The following NRXN3 variants were observed in gnomAD, a reference collection of about 807,000 sequenced individuals.
The protein encoded by NRXN3 is neurexin 3.
NRXN3 carries 32 observed loss-of-function variants against 137.6 expected under a neutral mutation model. The observed-to-expected ratio is 0.23, with a 90% CI of 0.18 to 0.31. The LOEUF is 0.31. Among genes scored for constraint, NRXN3 ranks in the 10% least tolerant of loss-of-function variants. The pLI, the probability that NRXN3 is intolerant of heterozygous loss-of-function variation, is 1.00. For synonymous variants in NRXN3, 798 were observed against 784.5 expected, an observed-to-expected ratio of 1.02 and a Z score of -0.29; for missense variants, 1,574 against 2,062.5, an observed-to-expected ratio of 0.76 and a Z score of 4.59.
chr14:79,515,578 T>C (rs902044689), intron 16 of NRXN3, among the ~76,000 whole-genome samples: 1 of 141,882 alleles, frequency 7.0e-6, no homozygotes, highest in Admixed American at 6.8e-5. Context: ...GTTTCTTACA[T>C]GTGCATACCC....
intron 16 of NRXN3, among the ~76,000 whole-genome samples, chr14:79,654,378 G>A (rs570084886): frequency 2.5e-4 from 38 of 151,730 alleles, no homozygotes; most frequent in African/African-American, 8.9e-4. Flanking sequence ...GTTCCACAAC[G>A]AACAGGGGTC....
rs188640477 is a variant in NRXN3 at position 78,874,951 on chromosome 14, G to A, written c.2275+64607G>A. On this transcript the variant is annotated intron_variant, in intron 10 of 20. Transcript: ENST00000335750. ...TGAGAATCCATCAATTAAACTGTGGGACGGACTTTAGAGAGGACAGACTTG... is the reference window on the plus strand; with the variant it reads ...TGAGAATCCATCAATTAAACTGTGGAACGGACTTTAGAGAGGACAGACTTG... Among the ~76,000 whole-genome samples, 4 of 152,342 alleles carry A rather than the reference G, an allele frequency of 2.6e-5. No homozygotes were observed. The East Asian group carries it at 7.7e-4, about 29-fold the overall frequency.
intron 19 of NRXN3, among the ~76,000 whole-genome samples, chr14:79,732,579 AAT>A (rs1201476715): frequency 6.6e-6 from 1 of 152,220 alleles, no homozygotes; most frequent in African/African-American, 2.4e-5. Context: ...CATCTAAGGT[AAT>A]AGAACATGAA....
rs559456522 is a variant in NRXN3, at chr14:79,350,913, T to A, written c.3263-116308T>A. Among the ~76,000 whole-genome samples, 11 of 152,298 alleles carry A rather than the reference T, an allele frequency of 7.2e-5. No homozygotes were observed. In the Middle Eastern group the frequency reaches 0.017, roughly 235 times the overall value. ...TAAGACACCATATGCTACACAAAACTTTTTATAAATGTTGTGCTTATATCA... is the reference window on the plus strand; with the variant it reads ...TAAGACACCATATGCTACACAAAACATTTTATAAATGTTGTGCTTATATCA... On this transcript the variant is annotated intron_variant, in intron 15 of 20. Coordinates refer to ENST00000335750, the MANE Select transcript of NRXN3 (RefSeq NM_001330195.2).
intron 19 of NRXN3, among the ~76,000 whole-genome samples, chr14:79,709,075 A>G (rs2098792941): frequency 6.6e-6 from 1 of 152,096 alleles, no homozygotes; most frequent in African/African-American, 2.4e-5. Context: ...ATGTGTGTAT[A>G]CAGATCACCT....
chr14:78,729,326 T>C (rs1461881616), intron 8 of NRXN3, among the ~76,000 whole-genome samples: 1 of 152,134 alleles, frequency 6.6e-6, no homozygotes, highest in African/African-American at 2.4e-5. Context: ...CAGGAGGCCT[T>C]AGAGGTGGGA....
chr14:79,591,591 A>C (rs1602574923), intron 16 of NRXN3, among the ~76,000 whole-genome samples: 1 of 152,186 alleles, frequency 6.6e-6, no homozygotes, highest in African/African-American at 2.4e-5. Context: ...TGAGCATTGA[A>C]ACTAGCCTAT....
At chr14:78,881,938 T>A (rs1041541327) in intron 10 of NRXN3, among the ~76,000 whole-genome samples, 3 of 151,626 alleles carry the variant, frequency 2.0e-5, no homozygotes, top group African/African-American at 4.9e-5. Flanking sequence ...AAAAATGGTT[T>A]CCTGGGCCAG....
At chr14:79,357,276 G>A (rs985644938) in intron 15 of NRXN3, among the ~76,000 whole-genome samples, 2 of 151,908 alleles carry the variant, frequency 1.3e-5, no homozygotes, top group Admixed American at 1.3e-4. Flanking sequence ...TAAAAGTAGT[G>A]AATTAAAATA....
At chr14:79,773,373 C>A (rs1408310503) in intron 19 of NRXN3, among the ~76,000 whole-genome samples, 1 of 152,048 alleles carries the variant, frequency 6.6e-6, no homozygotes, top group Non-Finnish European at 1.5e-5. Flanking sequence ...GACTTGGAAC[C>A]AACCCAAATG....
intron 16 of NRXN3, among the ~76,000 whole-genome samples, chr14:79,533,951 T>C (rs1194779617): frequency 1.3e-5 from 2 of 152,202 alleles, no homozygotes; most frequent in Non-Finnish European, 2.9e-5. Context: ...GCAATTAAGA[T>C]CTAATGCACT....
chr14:79,386,387 C>A (rs1390060964), intron 15 of NRXN3, among the ~76,000 whole-genome samples: 1 of 152,120 alleles, frequency 6.6e-6, no homozygotes, highest in African/African-American at 2.4e-5. Context: ...AGGAATCCAA[C>A]TTACAAGGGA....
chr14:78,726,670 C>A (rs996973694), intron 8 of NRXN3, among the ~76,000 whole-genome samples: 2 of 151,848 alleles, frequency 1.3e-5, no homozygotes, highest in Non-Finnish European at 2.9e-5. Context: ...AGGCATGTAC[C>A]ATCACACCCG....
chr14:79,408,466 AG>A (rs2095355300), intron 15 of NRXN3, among the ~76,000 whole-genome samples: 1 of 152,108 alleles, frequency 6.6e-6, no homozygotes, highest in Non-Finnish European at 1.5e-5. Flanking sequence ...TAATATTCTC[AG>A]TGCTCTGTGA....
At chr14:79,372,053 A>G (rs8006756) in intron 15 of NRXN3, among the ~76,000 whole-genome samples, 75,303 of 151,926 alleles carry the variant, frequency 0.5, 18,929 homozygotes, top group Admixed American at 0.54. Context: ...GGCCATTTTA[A>G]CAGTGTATAC....
At chr14:79,712,454 G>T (rs2098807865) in intron 19 of NRXN3, among the ~76,000 whole-genome samples, 2 of 152,280 alleles carry the variant, frequency 1.3e-5, no homozygotes, top group South Asian at 4.1e-4. Flanking sequence ...GATCATACAT[G>T]AACTGACTTG....
At chr14:78,482,367 A>G (rs2153741511) in intron 4 of NRXN3, among the ~76,000 whole-genome samples, 1 of 152,296 alleles carries the variant, frequency 6.6e-6, no homozygotes, top group South Asian at 2.1e-4. Flanking sequence ...CTATATACCC[A>G]GGGCTATCCT....
intron 4 of NRXN3, among the ~76,000 whole-genome samples, chr14:78,485,963 T>C (rs2095554119): frequency 6.6e-6 from 1 of 152,216 alleles, no homozygotes; most frequent in African/African-American, 2.4e-5. Context: ...CTTATATCTT[T>C]TTGTATTCTC....
chr14:79,202,781 T>C (rs1242083472), intron 15 of NRXN3, among the ~76,000 whole-genome samples: 1 of 152,180 alleles, frequency 6.6e-6, no homozygotes, highest in Non-Finnish European at 1.5e-5. Flanking sequence ...ACTCATTGAT[T>C]AATGGGCATT....
Sources: gnomAD v4.1 joint callset for allele counts (sites outside exome capture counted in the v4.1 genomes callset) on GRCh38, gnomAD v4.1.1 for gene constraint, MANE v1.5 for transcripts, NCBI Gene and HGNC (gene_info 2026-07-23, HGNC 2026-07-21) for gene names.